The following PHKA2 variants were observed in gnomAD, a reference collection of about 807,000 sequenced individuals.
PHKA2 encodes the protein phosphorylase b kinase regulatory subunit alpha, liver isoform.
PHKA2 carries 31 observed loss-of-function variants against 102.0 expected under a neutral mutation model. The observed-to-expected ratio is 0.30, with a 90% CI of 0.23 to 0.41. The LOEUF is 0.41. PHKA2 is among the 10% of genes least tolerant of loss of function. The pLI is 1.00. For synonymous variants in PHKA2, 455 were observed against 416.2 expected (o/e 1.09, Z -1.13); for missense variants, 858 against 1,023.1 (o/e 0.84, Z 2.20).
In PHKA2 at chrX:18,931,668, C is replaced by T. The variant is rs2147934291; in HGVS notation, c.1218G>A (p.Leu406=). 1 of 1,205,153 alleles carries T rather than the reference C, an allele frequency of 8.3e-7. No individual in the cohort carries two copies. Among genetic ancestry groups the T allele is most frequent in the East Asian group, 3.0e-5 (1 of 33,834 alleles). ...CTGCCAACAGCGAGCTGAGGATGTA[C>T]AAGGATTGGCCCCACAGATGAGGCA... The part of the protein sequence containing the change: ...GKVPHLWGQS[L]YILSSLLAEG... Residue 406 remains leucine, a synonymous_variant, in exon 12 of 33, where the codon TTG becomes TTA. Transcript: ENST00000379942.
chrX:18,981,113 T>G (rs1405064124), intron 1 of PHKA2, among the ~76,000 whole-genome samples: 1 of 111,272 alleles, frequency 9.0e-6, no homozygotes, highest in African/African-American at 3.3e-5. Flanking sequence ...AAAGTGCTCA[T>G]TCGTTTTTCT....
chrX:18,983,428 T>C (rs182089201), intron 1 of PHKA2, among the ~76,000 whole-genome samples: 161 of 112,416 alleles, frequency 1.4e-3, no homozygotes, highest in Admixed American at 2.7e-3. Flanking sequence ...AGACAGCTCA[T>C]GGGAGGGACG....
intron 1 of PHKA2, among the ~76,000 whole-genome samples, chrX:18,976,924 C>T (rs771689227): frequency 8.0e-5 from 9 of 111,820 alleles, no homozygotes; most frequent in Non-Finnish European, 1.5e-4. Context: ...CTGCTTGTAC[C>T]CTTATTTCCT....
intron 26 of PHKA2, among the ~76,000 whole-genome samples, chrX:18,902,093 G>A (rs1360863416): frequency 1.8e-5 from 2 of 110,888 alleles, no homozygotes; most frequent in African/African-American, 3.3e-5. Context: ...CGCCCACCTT[G>A]ACCTCCCAAA....
intron 25 of PHKA2, 125 bp from the exon 26 acceptor site, chrX:18,905,984 G>A: frequency 1.9e-6 from 1 of 527,762 alleles, no homozygotes. Flanking sequence ...CTGTTCAGGA[G>A]AACCTCACTA....
intron 1 of PHKA2, among the ~76,000 whole-genome samples, chrX:18,958,447 G>A (rs1170814933): frequency 1.8e-5 from 2 of 111,235 alleles, no homozygotes; most frequent in African/African-American, 6.5e-5. Flanking sequence ...CCAAAAATGG[G>A]ACTGCTGGGT....
At chrX:18,933,256 C>T (rs1242815495) in intron 11 of PHKA2, among the ~76,000 whole-genome samples, 1 of 112,726 alleles carries the variant, frequency 8.9e-6, no homozygotes, top group Non-Finnish European at 1.9e-5. Flanking sequence ...GCATCCCCCT[C>T]TGCCTCTCTG....
Position 18,894,239 on chromosome X carries a change from C to A in PHKA2, c.3502G>T (p.Val1168Leu). 1 of 1,211,872 alleles carries A rather than the reference C, an allele frequency of 8.3e-7. No homozygotes were observed. The highest frequency in any genetic ancestry group is 1.1e-6 in the Non-Finnish European group (1 of 895,488). ...IGGIIHVDQIVQMASQLFLQD... is the reference protein window; with the variant it reads ...IGGIIHVDQILQMASQLFLQD... ...AAGAACAGCTGACTGGCCATCTGCA[C>A]GATCTGGTCCACGTGGATGATGCCC... The change falls in exon 32 of 33, where the codon GTG becomes TTG. Residue 1168 changes from valine to leucine, a missense_variant. This residue lies in a region of PHKA2 where 671 missense variants were observed against 745.2 expected (regional missense o/e 0.90). Transcript: ENST00000379942.
intron 6 of PHKA2, among the ~76,000 whole-genome samples, chrX:18,944,347 A>T (rs1175827238): frequency 8.9e-6 from 1 of 111,863 alleles, no homozygotes; most frequent in Non-Finnish European, 1.9e-5. Flanking sequence ...GCACTTCAGA[A>T]AGTTAATTCT....
chrX:18,922,766 T>G (rs1197404971), intron 17 of PHKA2, among the ~76,000 whole-genome samples: 1 of 110,679 alleles, frequency 9.0e-6, no homozygotes, highest in Admixed American at 9.7e-5. Context: ...ATGAAAAGAG[T>G]TCTGGAGATT....
intron 1 of PHKA2, among the ~76,000 whole-genome samples, chrX:18,977,932 C>A (rs868748666): frequency 2.7e-5 from 3 of 111,780 alleles, no homozygotes; most frequent in Non-Finnish European, 5.6e-5. Context: ...GAGGCCGAGG[C>A]GGGCAGATCA....
rs184300738 is a variant in PHKA2 at position 18,944,874 on chromosome X, C to A, written c.618+204G>T. Among the ~76,000 whole-genome samples the A allele has an allele frequency of 5.1e-3, 579 of 112,496 alleles. 2 individuals are homozygous for A. Among genetic ancestry groups the A allele is most frequent in the Non-Finnish European group, 7.9e-3 (423 of 53,335 alleles). On this transcript the variant is annotated intron_variant, in intron 6 of 32. Coordinates refer to ENST00000379942, the MANE Select transcript of PHKA2 (RefSeq NM_000292.3). ...AGGACGGAGCACTCTTACTTTCTGCCATGGGCAGATTTCAGCATTGGAAAC... is the reference window on the plus strand; with the variant it reads ...AGGACGGAGCACTCTTACTTTCTGCAATGGGCAGATTTCAGCATTGGAAAC...
intron 1 of PHKA2, among the ~76,000 whole-genome samples, chrX:18,970,405 T>A (rs1389572190): frequency 8.9e-6 from 1 of 112,352 alleles, no homozygotes; most frequent in Non-Finnish European, 1.9e-5. Flanking sequence ...TATATTGTTA[T>A]TAACTACAGT....
At chrX:18,899,427 A>AGAG (rs1480678350) in intron 28 of PHKA2, among the ~76,000 whole-genome samples, 1 of 112,740 alleles carries the variant, frequency 8.9e-6, no homozygotes, top group African/African-American at 3.2e-5. Context: ...CTTCGACTCC[A>AGAG]CGTGAAACTT....
chrX:18,979,629 A>C (rs2049142543), intron 1 of PHKA2, among the ~76,000 whole-genome samples: 1 of 111,950 alleles, frequency 8.9e-6, no homozygotes, highest in Non-Finnish European at 1.9e-5. Context: ...CAAACCTGCA[A>C]AAGGACCTTT....
intron 31 of PHKA2, chrX:18,894,768 C>CAAATCACCTAGGGACG (rs1555988275): frequency 0.022 from 8,659 of 385,191 alleles, 112 homozygotes; most frequent in Non-Finnish European, 0.032. Context: ...AAAAGAATGA[C>CAAATCACCTAGGGACG]AAATCACCTA....
chrX:18,938,280 C>G (rs913731476), intron 10 of PHKA2, among the ~76,000 whole-genome samples: 2 of 112,852 alleles, frequency 1.8e-5, no homozygotes, highest in Non-Finnish European at 3.7e-5. Context: ...AGGCCCCCAC[C>G]AATAGCACAG....
chrX:18,924,789 C>T (rs1365500452), intron 15 of PHKA2, among the ~76,000 whole-genome samples: 1 of 112,054 alleles, frequency 8.9e-6, no homozygotes, highest in Non-Finnish European at 1.9e-5. Flanking sequence ...ATTTAAGCAT[C>T]TTGCCCAACA....
chrX:18,967,522 G>A lies in PHKA2; in HGVS notation c.79-13110C>T, dbSNP rs112413671. Among the ~76,000 whole-genome samples, 513 of 109,004 alleles carry A rather than the reference G, an allele frequency of 4.7e-3. 6 individuals are homozygous for A. The highest frequency in any genetic ancestry group is 0.016 in the African/African-American group (479 of 29,819). 94.7% of individuals were successfully genotyped at this position (109,004 alleles called of 115,157 possible). On this transcript the variant is annotated intron_variant, in intron 1 of 32. Coordinates refer to ENST00000379942, the MANE Select transcript of PHKA2 (RefSeq NM_000292.3). ...GATGACGGTGGCTTCGATGAGGGTG[G>A]TGACAATGAATACAGACAGAAGTGG... is the stretch of plus-strand genomic sequence containing the variant.
Sources: allele counts gnomAD v4.1 joint callset (sites outside exome capture counted in the v4.1 genomes callset), GRCh38; gene constraint gnomAD v4.1.1; regional missense constraint gnomAD v4.1.1; transcripts MANE v1.5; gene names NCBI Gene and HGNC (gene_info 2026-07-23, HGNC 2026-07-21).